TMEM62: variants seen among roughly 807,000 people sequenced by gnomAD.
The protein encoded by TMEM62 is transmembrane protein 62.
A neutral mutation model predicts 70.4 loss-of-function variants in TMEM62; 41 were observed. The observed-to-expected ratio is 0.58, with a 90% confidence interval of 0.45 to 0.76. TMEM62 has a LOEUF of 0.76. TMEM62 is among the 30% of genes least tolerant of loss of function. The probability of loss-of-function intolerance (pLI) is 0.00; values close to 1 mark genes in which losing one functional copy is unlikely to be tolerated. For missense variants in TMEM62, 688 were observed against 788.5 expected (o/e 0.87, Z 1.53); for synonymous variants, 268 against 291.0 (o/e 0.92, Z 0.80).
intron 4 of TMEM62, among the ~76,000 whole-genome samples, chr15:43,141,335 G>A (rs753061874): frequency 6.6e-6 from 1 of 152,132 alleles, no homozygotes; most frequent in African/African-American, 2.4e-5. Context: ...GTGCTTAAGC[G>A]TTATGCTAAA....
intron 7 of TMEM62, among the ~76,000 whole-genome samples, chr15:43,151,366 G>C (rs1156448818): frequency 1.4e-5 from 2 of 148,074 alleles, no homozygotes; most frequent in African/African-American, 5.0e-5. Context: ...AAGCATGAAA[G>C]ATTTCTAATT....
At chr15:43,162,446 T>TTTTTTTTTTTTTTTTTG (rs1567214621) in intron 10 of TMEM62, among the ~76,000 whole-genome samples, 20 of 150,878 alleles carry the variant, frequency 1.3e-4, no homozygotes, top group African/African-American at 4.7e-4. Flanking sequence ...TTTTTTTTTT[T>TTTTTTTTTTTTTTTTTG]GTTGAGCTGG....
At chr15:43,166,901 T>C (rs1313873721) in intron 10 of TMEM62, among the ~76,000 whole-genome samples, 1 of 152,164 alleles carries the variant, frequency 6.6e-6, no homozygotes, top group Non-Finnish European at 1.5e-5. Context: ...TTTTTCTTAG[T>C]ACAGAACAAA....
intron 10 of TMEM62, among the ~76,000 whole-genome samples, chr15:43,165,462 G>A (rs935350105): frequency 5.9e-5 from 9 of 151,956 alleles, no homozygotes; most frequent in South Asian, 2.1e-4. Context: ...GGCTGGGTGC[G>A]GTGGCTCACG....
At chr15:43,136,675 C>T (rs936770656) in intron 3 of TMEM62, among the ~76,000 whole-genome samples, 39 of 151,468 alleles carry the variant, frequency 2.6e-4, no homozygotes, top group Middle Eastern at 3.2e-3. Flanking sequence ...AGGCTGATCT[C>T]GAACTCCTGA....
chr15:43,178,757 A>T, intron 12 of TMEM62, 46 bp downstream of exon 12: 1 of 1,187,252 alleles, frequency 8.4e-7, no homozygotes. Flanking sequence ...CAAAGAATAT[A>T]TTAACAATTT....
At chr15:43,169,735 G>A (rs1050576709) in intron 11 of TMEM62, 58 bp downstream of exon 11, 51 of 1,430,910 alleles carry the variant, frequency 3.6e-5, no homozygotes, top group Middle Eastern at 1.9e-4. Context: ...ACCAAACTCC[G>A]TAAAATATTT....
chr15:43,157,283 T>A (rs2038156295), intron 9 of TMEM62, among the ~76,000 whole-genome samples: 1 of 152,132 alleles, frequency 6.6e-6, no homozygotes, highest in Non-Finnish European at 1.5e-5. Flanking sequence ...TCAGAAACTT[T>A]GGAGATAGGA....
intron 11 of TMEM62, among the ~76,000 whole-genome samples, chr15:43,177,369 G>T (rs2040863445): frequency 6.6e-6 from 1 of 152,018 alleles, no homozygotes; most frequent in Non-Finnish European, 1.5e-5. Context: ...TGGAGAGGAT[G>T]TGGAGAAATA....
At position 43,148,824 on chromosome 15, in the gene TMEM62, C is replaced by G; in HGVS notation, c.688C>G (p.His230Asp). 5.0e-6 allele frequency: 8 copies of G among 1,614,134 alleles called. No homozygotes were observed. The highest frequency in any genetic ancestry group is 6.8e-6 in the Non-Finnish European group (8 of 1,179,992). ...GAGCAACCATACAATTTGGTTTGGA[C>G]ACTTTACAACATCCACTATTCTTTC... ...SRSNHTIWFG[H>D]FTTSTILSPS... is the part of the protein sequence containing the mutation. The change falls in exon 6 of 14, where the codon CAC (histidine) becomes GAC (aspartate). Residue 230 changes from histidine (H) to aspartate (D), a missense_variant. Transcript: ENST00000260403.
intron 10 of TMEM62, among the ~76,000 whole-genome samples, chr15:43,168,589 C>G (rs1371817125): frequency 6.6e-6 from 1 of 152,058 alleles, no homozygotes; most frequent in Non-Finnish European, 1.5e-5. Flanking sequence ...GAGCTGGTAC[C>G]CAGGTGGCAA....
chr15:43,140,539 G>A (rs1320770715), intron 4 of TMEM62, among the ~76,000 whole-genome samples: 1 of 152,136 alleles, frequency 6.6e-6, no homozygotes, highest in Non-Finnish European at 1.5e-5. Context: ...TCTTGGCATT[G>A]GTATTCTCCT....
intron 10 of TMEM62, among the ~76,000 whole-genome samples, chr15:43,163,609 C>T (rs368770385): frequency 2.0e-5 from 3 of 151,746 alleles, no homozygotes; most frequent in African/African-American, 7.3e-5. Context: ...GGTGAAACCC[C>T]GTCTCTACTA....
At position 43,135,581 on chromosome 15, in the gene TMEM62, A is replaced by G. The variant is rs1402731337; in HGVS notation, c.362A>G (p.Tyr121Cys). The change falls in exon 3 of 14, where the codon TAC becomes TGC. Residue 121 changes from tyrosine to cysteine, a missense_variant. Transcript: ENST00000260403. ...SRQHEVEWQT[Y>C]QGILKKTRVM... ...CAGCATGAGGTAGAATGGCAAACCT[A>G]CCAGGGTATTCTGAAGAAGACAAGA... The G allele has an allele frequency of 6.2e-7, 1 of 1,611,092 alleles. No homozygotes were observed. Among genetic ancestry groups the G allele is most frequent in the Non-Finnish European group, 8.5e-7 (1 of 1,179,476 alleles).
At chr15:43,163,504 C>T (rs1388862228) in intron 10 of TMEM62, among the ~76,000 whole-genome samples, 10 of 151,608 alleles carry the variant, frequency 6.6e-5, no homozygotes, top group Admixed American at 2.6e-4. Flanking sequence ...GTTCTGGGGC[C>T]GGGCTCGGTG....
chr15:43,149,179 C>A (rs769116016), intron 7 of TMEM62, 28 bp downstream of exon 7: 2 of 1,608,130 alleles, frequency 1.2e-6, no homozygotes, highest in Admixed American at 3.4e-5. Context: ...TAGAAGAAAA[C>A]TTATACACAT....
chr15:43,181,595 G>A (rs2041333942), intron 13 of TMEM62, among the ~76,000 whole-genome samples: 1 of 152,126 alleles, frequency 6.6e-6, no homozygotes, highest in African/African-American at 2.4e-5. Flanking sequence ...TCCACCTCTT[G>A]GGTTCCAGCG....
intron 1 of TMEM62, 49 bp from the exon 2 acceptor site, chr15:43,134,208 C>A: frequency 1.3e-6 from 2 of 1,582,730 alleles, no homozygotes; most frequent in Non-Finnish European, 1.7e-6. Context: ...CCTCCCCATG[C>A]TGCCTCTTCC....
At chr15:43,157,287 G>C (rs1163893309) in intron 9 of TMEM62, among the ~76,000 whole-genome samples, 1 of 152,100 alleles carries the variant, frequency 6.6e-6, no homozygotes, top group African/African-American at 2.4e-5. Flanking sequence ...AAACTTTGGA[G>C]ATAGGACCTA....
Sources: gnomAD v4.1 joint callset for allele counts (sites outside exome capture counted in the v4.1 genomes callset) on GRCh38, gnomAD v4.1.1 for gene constraint, MANE v1.5 for transcripts, NCBI Gene and HGNC (gene_info 2026-07-23, HGNC 2026-07-21) for gene names.